The following NOPCHAP1 variants were observed in gnomAD, a reference collection of about 807,000 sequenced individuals.
The protein encoded by NOPCHAP1 is DNA damage-sensitive RNA 1.
In NOPCHAP1, 13 loss-of-function variants were observed where a neutral mutation model predicts 14.0. The observed-to-expected ratio is 0.93, with a 90% confidence interval of 0.60 to 1.47. NOPCHAP1 has a LOEUF of 1.47. Among genes scored for constraint, NOPCHAP1 ranks in the 40% most tolerant of loss-of-function variants. NOPCHAP1 has a pLI of 0.00. For synonymous variants in NOPCHAP1, 78 were observed against 78.4 expected (o/e 1.00, Z 0.03); for missense variants, 230 against 226.9 (o/e 1.01, Z -0.09).
Position 105,001,224 on chromosome 12 carries a change from A to G in NOPCHAP1, c.*6528A>G, listed in dbSNP as rs927059066. ...CCAGAAGGAAACATACTTTCTAATA[A>G]CTTATTGTCATAGCATTGGCCTTCC... is the stretch of plus-strand genomic sequence containing the variant. On this transcript the variant is annotated 3_prime_UTR_variant, in exon 4 of 4. Coordinates refer to ENST00000552951, the MANE Select transcript of NOPCHAP1 (RefSeq NM_152318.3). 1.3e-5 allele frequency: 2 copies of G among 152,106 alleles called. No homozygotes were observed. Among genetic ancestry groups the G allele is most frequent in the African/African-American group, 4.8e-5 (2 of 41,414 alleles). The allele number at this position is 152,106 out of a possible 1,614,324, so 9.4% of individuals were successfully genotyped here.
In NOPCHAP1 at chr12:104,991,824, G is replaced by C. The variant is rs963377725; in HGVS notation, c.315G>C (p.Gly105=). The change falls in exon 3 of 4, where the codon GGG becomes GGC. Residue 105 remains glycine (G), a synonymous_variant. Coordinates refer to ENST00000552951, the MANE Select transcript of NOPCHAP1 (RefSeq NM_152318.3). Reference sequence around the variant, plus strand: ...GTTTCAATATTGAAAACATTGATGGGCCTCATAGTAAAGTTATACAAATGG... The same window carrying C: ...GTTTCAATATTGAAAACATTGATGGCCCTCATAGTAAAGTTATACAAATGG... ...PGRFNIENID[G]PHSKVIQMDV... 6.2e-7 allele frequency: 1 copy of C among 1,610,954 alleles called. No individual in the cohort carries two copies. Among genetic ancestry groups the C allele is most frequent in the Non-Finnish European group, 8.5e-7 (1 of 1,179,292 alleles).
In NOPCHAP1 at chr12:104,996,231, G is replaced by A. The variant is rs1873499075; in HGVS notation, c.*1535G>A. The A allele has an allele frequency of 6.6e-6, 1 of 152,124 alleles. No individual in the cohort carries two copies. Among genetic ancestry groups the A allele is most frequent in the Non-Finnish European group, 1.5e-5 (1 of 68,012 alleles). The allele number at this position is 152,124 out of a possible 1,614,324, so 9.4% of individuals were successfully genotyped here. Reference sequence around the variant, plus strand: ...TGAGGCTGGAAAAGAGGGCTACCTAGTGGTATTTGAGCATCAGTCAGTTCA... The same window carrying A: ...TGAGGCTGGAAAAGAGGGCTACCTAATGGTATTTGAGCATCAGTCAGTTCA... On this transcript the variant is annotated 3_prime_UTR_variant, in exon 4 of 4. Coordinates refer to ENST00000552951, the MANE Select transcript of NOPCHAP1 (RefSeq NM_152318.3).
rs544800597 is a variant in NOPCHAP1, at chr12:104,999,967, C to G, written c.*5271C>G. The G allele has an allele frequency of 6.6e-6, 1 of 152,384 alleles. No individual in the cohort carries two copies. Among genetic ancestry groups the G allele is most frequent in the South Asian group, 2.1e-4 (1 of 4,834 alleles). 9.4% of individuals were successfully genotyped at this position (152,384 alleles called of 1,614,324 possible). On this transcript the variant is annotated 3_prime_UTR_variant, in exon 4 of 4. Coordinates refer to ENST00000552951, the MANE Select transcript of NOPCHAP1 (RefSeq NM_152318.3). ...GGAGTGCACCAGTCTTCCTGATATC[C>G]CAGTCTCTTGGTGGCAGATGTTCCT...
In NOPCHAP1 at chr12:104,994,551, G is replaced by T. The variant is rs766056750; in HGVS notation, c.413G>T (p.Ser138Ile). 1.9e-6 allele frequency: 3 copies of T among 1,613,044 alleles called. No homozygotes were observed. The highest frequency in any genetic ancestry group is 4.5e-5 in the East Asian group (2 of 44,870). ...AGTTCAGAAGAGAGTTCACAAGACA[G>T]TTCAGAGAACAGTTCAGAATCAGAA... ...VDSSEESSQD[S>I]SENSSESEDE... The change falls in exon 4 of 4, where the codon AGT becomes ATT. Residue 138 changes from serine to isoleucine, a missense_variant. Physicochemically the swap from Ser to Ile is moderately radical, Grantham distance 142. Coordinates refer to ENST00000552951, the MANE Select transcript of NOPCHAP1 (RefSeq NM_152318.3).
rs1263708781 is a variant in NOPCHAP1 at position 105,000,173 on chromosome 12, T to C, written c.*5477T>C. ...GAGTATGTGATACCTGGAAGCATAA[T>C]ATACCTTTTGTAGGCATCACTTGGT... is the stretch of plus-strand genomic sequence containing the variant. On this transcript the variant is annotated 3_prime_UTR_variant, in exon 4 of 4. Coordinates refer to ENST00000552951, the MANE Select transcript of NOPCHAP1 (RefSeq NM_152318.3). The C allele has an allele frequency of 6.6e-6, 1 of 152,250 alleles. No homozygotes were observed. Among genetic ancestry groups the C allele is most frequent in the African/African-American group, 2.4e-5 (1 of 41,474 alleles). The allele number at this position is 152,250 out of a possible 1,614,324, so 9.4% of individuals were successfully genotyped here. A position where few individuals can be genotyped will look rare whatever the true frequency, so the allele number is the denominator to read the frequency against.
intron 2 of NOPCHAP1, among the ~76,000 whole-genome samples, chr12:104,989,952 T>C (rs1873335935): frequency 6.6e-6 from 1 of 152,228 alleles, no homozygotes; most frequent in Admixed American, 6.5e-5. Context: ...ACTGTTTACA[T>C]CTTTTTTTCT....
rs1343857713 is a variant in NOPCHAP1, at chr12:105,016,848, T to C, written c.*22152T>C. The C allele has an allele frequency of 6.6e-6, 1 of 152,214 alleles. No homozygotes were observed. The highest frequency in any genetic ancestry group is 2.4e-5 in the African/African-American group (1 of 41,440). The allele number at this position is 152,214 out of a possible 1,614,324, so 9.4% of individuals were successfully genotyped here. On this transcript the variant is annotated 3_prime_UTR_variant, in exon 4 of 4. Transcript: ENST00000552951. ...TAAAAGTTGTTTTGTTTGTAAGCAG[T>C]TTGCCCTACAGTGTGTGGAAAGTGC...
chr12:104,992,994 G>A (rs1592748494), intron 3 of NOPCHAP1, among the ~76,000 whole-genome samples: 3 of 152,096 alleles, frequency 2.0e-5, no homozygotes, highest in East Asian at 1.9e-4. Context: ...CACTGCAGCC[G>A]GTCTTCTCCC....
chr12:104,996,836 T>C lies in NOPCHAP1; in HGVS notation c.*2140T>C, dbSNP rs750440890. 6.6e-6 allele frequency: 1 copy of C among 152,222 alleles called. No individual in the cohort carries two copies. The highest frequency in any genetic ancestry group is 2.4e-5 in the African/African-American group (1 of 41,462). 9.4% of individuals were successfully genotyped at this position (152,222 alleles called of 1,614,324 possible). ...AGGTCTTATTGAATTAAGCCCTTTA[T>C]CATTATGTAATGCCCTTCTTTGTCT... On this transcript the variant is annotated 3_prime_UTR_variant, in exon 4 of 4. Transcript: ENST00000552951.
chr12:104,993,823 C>T (rs972197694), intron 3 of NOPCHAP1, among the ~76,000 whole-genome samples: 1 of 152,040 alleles, frequency 6.6e-6, no homozygotes, highest in African/African-American at 2.4e-5. Flanking sequence ...TAAATTTCAC[C>T]AAAGCGAGGG....
rs1873894290 is a variant in NOPCHAP1, at chr12:105,013,990, G to GCCT, written c.*19294_*19295insCCT. ...TGGCCATCTTGCCAGCCAGCCGAGA[G>GCCT]ATCACTTTTTACTGTGATAGGCAAT... On this transcript the variant is annotated 3_prime_UTR_variant, in exon 4 of 4. Transcript: ENST00000552951. 1 of 152,246 alleles carries GCCT rather than the reference G, an allele frequency of 6.6e-6. No homozygotes were observed. 9.4% of individuals were successfully genotyped at this position (152,246 alleles called of 1,614,324 possible).
At chr12:104,986,547 G>C (rs1873240673) in intron 1 of NOPCHAP1, 80 bp downstream of exon 1, 2 of 1,194,888 alleles carry the variant, frequency 1.7e-6, no homozygotes, top group Admixed American at 2.7e-5. Context: ...GAGCCGGCCG[G>C]TGGCTCCCTG....
rs759124890 is a variant in NOPCHAP1, at chr12:104,994,688, A to T, written c.550A>T (p.Lys184Ter). The change falls in exon 4 of 4, where the codon AAG becomes TAG. Residue 184 changes from lysine (K) to a stop codon, truncating the protein, a stop_gained. Transcript: ENST00000552951. LOFTEE classifies it high-confidence loss of function. ...TTTGGACAGTCCAGCAAGTAAAAAA[A>T]AGAAATAGTCAAATAAATTATCTGA... ...EVLDSPASKKKK is the reference protein window; with the variant it reads ...EVLDSPASKK 1 of 1,602,978 alleles carries T rather than the reference A, an allele frequency of 6.2e-7. No individual in the cohort carries two copies. The highest frequency in any genetic ancestry group is 8.5e-7 in the Non-Finnish European group (1 of 1,174,546).
At chr12:104,991,875 G>A in intron 3 of NOPCHAP1, 27 bp downstream of exon 3, 1 of 1,575,418 alleles carries the variant, frequency 6.3e-7, no homozygotes, top group Non-Finnish European at 8.6e-7. Context: ...TTCATATGGT[G>A]AAATTACTGG....
rs181881976 is a variant in NOPCHAP1 at position 105,007,056 on chromosome 12, A to G, written c.*12360A>G. The G allele has an allele frequency of 2.6e-5, 4 of 151,094 alleles. No individual in the cohort carries two copies. The East Asian group carries it at 7.8e-4, about 29-fold the overall frequency. 9.4% of individuals were successfully genotyped at this position (151,094 alleles called of 1,614,324 possible). A position where few individuals can be genotyped will look rare whatever the true frequency, so the allele number is the denominator to read the frequency against. ...TTTTTTTTTTTTAAGTCAAACCTCTAAAATTATCAAAGCATCTTATGCTGG... is the reference window on the plus strand; with the variant it reads ...TTTTTTTTTTTTAAGTCAAACCTCTGAAATTATCAAAGCATCTTATGCTGG... On this transcript the variant is annotated 3_prime_UTR_variant, in exon 4 of 4. Coordinates refer to ENST00000552951, the MANE Select transcript of NOPCHAP1 (RefSeq NM_152318.3).
rs1873784391 is a variant in NOPCHAP1, at chr12:105,010,001, C to T, written c.*15305C>T. 1 of 151,706 alleles carries T rather than the reference C, an allele frequency of 6.6e-6. No homozygotes were observed. The highest frequency in any genetic ancestry group is 2.4e-5 in the African/African-American group (1 of 41,156). The allele number at this position is 151,706 out of a possible 1,614,324, so 9.4% of individuals were successfully genotyped here. On this transcript the variant is annotated 3_prime_UTR_variant, in exon 4 of 4. Coordinates refer to ENST00000552951, the MANE Select transcript of NOPCHAP1 (RefSeq NM_152318.3). Reference sequence around the variant, plus strand: ...CATAAAATGAATTAGGGAGGAGTCCCTCTTTTTCTATTGTTGGGAATAGTT... The same window carrying T: ...CATAAAATGAATTAGGGAGGAGTCCTTCTTTTTCTATTGTTGGGAATAGTT...
In NOPCHAP1 at chr12:104,996,480, A is replaced by G. The variant is rs1483870369; in HGVS notation, c.*1784A>G. ...ATTATTTCATCACCTGGTGATAAGC[A>G]TAGTGCCCAATAGGTAGTTTTAAAT... On this transcript the variant is annotated 3_prime_UTR_variant, in exon 4 of 4. Transcript: ENST00000552951. 6.6e-6 allele frequency: 1 copy of G among 151,860 alleles called. No homozygotes were observed. The highest frequency in any genetic ancestry group is 1.5e-5 in the Non-Finnish European group (1 of 68,004). The allele number at this position is 151,860 out of a possible 1,614,324, so 9.4% of individuals were successfully genotyped here. A position where few individuals can be genotyped will look rare whatever the true frequency, so the allele number is the denominator to read the frequency against.
chr12:105,015,601 T>G lies in NOPCHAP1; in HGVS notation c.*20905T>G, dbSNP rs1165381819. On this transcript the variant is annotated 3_prime_UTR_variant, in exon 4 of 4. Coordinates refer to ENST00000552951, the MANE Select transcript of NOPCHAP1 (RefSeq NM_152318.3). ...TGAAATCTTAGGCTGTCCCACTTCG[T>G]CTCGCCTGGGATGTGAATTGTCCTT... is the stretch of plus-strand genomic sequence containing the variant. 3.3e-5 allele frequency: 5 copies of G among 152,242 alleles called. No homozygotes were observed. Among genetic ancestry groups the G allele is most frequent in the Non-Finnish European group, 5.9e-5 (4 of 68,050 alleles). The allele number at this position is 152,242 out of a possible 1,614,324, so 9.4% of individuals were successfully genotyped here.
In NOPCHAP1 at chr12:104,994,798, C is replaced by A; in HGVS notation, c.*102C>A. ...TTTTGCTTTTCAGGCACCTATGGTG[C>A]TTTTATATGTTAAAAACTTTAGACA... On this transcript the variant is annotated 3_prime_UTR_variant, in exon 4 of 4. Coordinates refer to ENST00000552951, the MANE Select transcript of NOPCHAP1 (RefSeq NM_152318.3). The A allele has an allele frequency of 9.8e-7, 1 of 1,017,592 alleles. No individual in the cohort carries two copies. The highest frequency in any genetic ancestry group is 1.5e-6 in the Non-Finnish European group (1 of 678,720). 63.0% of individuals were successfully genotyped at this position (1,017,592 alleles called of 1,614,324 possible). A position where few individuals can be genotyped will look rare whatever the true frequency, so the allele number is the denominator to read the frequency against.
Sources: allele counts gnomAD v4.1 joint callset (sites outside exome capture counted in the v4.1 genomes callset), GRCh38; gene constraint gnomAD v4.1.1; transcripts MANE v1.5; gene names NCBI Gene and HGNC (gene_info 2026-07-23, HGNC 2026-07-21).